Variants in BBS7 observed in about 807,000 individuals in gnomAD.
The protein encoded by BBS7 is BBSome complex member BBS7.
Under a neutral mutation model 90.3 loss-of-function variants are expected in BBS7, and 50 were observed. The observed-to-expected ratio is 0.55, with a 90% CI of 0.44 to 0.70. The LOEUF (loss-of-function observed/expected upper bound fraction) is 0.70, where lower values mean the gene tolerates loss of function less well. Among genes scored for constraint, BBS7 ranks in the 30% least tolerant of loss-of-function variants. The pLI, the probability that BBS7 is intolerant of heterozygous loss-of-function variation, is 0.00. For synonymous variants in BBS7, 235 were observed against 287.4 expected, an observed-to-expected ratio of 0.82 and a Z score of 1.85; for missense variants, 729 against 838.9, an observed-to-expected ratio of 0.87 and a Z score of 1.62.
Position 121,833,222 on chromosome 4 carries a change from T to TA in BBS7, c.1676+8dup. ...CAACACTTGTGAACCAGTAATAAGT[T>TA]AGATTTACCTGTAGGTACTTTCAAG... On this transcript the variant is annotated intron_variant, in intron 15 of 18. Coordinates refer to ENST00000264499, the MANE Select transcript of BBS7 (RefSeq NM_176824.3). 6.2e-7 allele frequency: 1 copy of TA among 1,613,244 alleles called. No individual in the cohort carries two copies. Among genetic ancestry groups the TA allele is most frequent in the Non-Finnish European group, 8.5e-7 (1 of 1,179,276 alleles).
rs779436749 is a variant in BBS7 at position 121,839,693 on chromosome 4, TTGAC to T, written c.1306-1_1308del. 2.4e-5 allele frequency: 38 copies of T among 1,613,288 alleles called. No individual in the cohort carries two copies. The highest frequency in any genetic ancestry group is 3.3e-5 in the South Asian group (3 of 91,078). On this transcript the variant is annotated splice_acceptor_variant and coding_sequence_variant, in exon 13 of 19. Transcript: ENST00000264499. LOFTEE classifies it high-confidence loss of function. Reference sequence around the variant, plus strand: ...TAAGTGGCAAGAAGGAAGTTGTCGTTTGACTGGGAAGAATACAAAGTGGAGGAAA... The same window carrying T: ...TAAGTGGCAAGAAGGAAGTTGTCGTTTGGGAAGAATACAAAGTGGAGGAAA...
intron 8 of BBS7, among the ~76,000 whole-genome samples, chr4:121,851,358 GC>G: frequency 7.1e-6 from 1 of 140,426 alleles, no homozygotes; most frequent in East Asian, 2.2e-4. Context: ...CTATGGGGTA[GC>G]CCTGTTCTGC....
intron 2 of BBS7, among the ~76,000 whole-genome samples, chr4:121,866,350 T>C (rs1300193477): frequency 6.6e-6 from 1 of 152,090 alleles, no homozygotes; most frequent in Non-Finnish European, 1.5e-5. Flanking sequence ...TTTTGTTTTG[T>C]TTTGTTTTGT....
chr4:121,828,847 T>C, intron 15 of BBS7, 119 bp from the exon 16 acceptor site: 1 of 638,940 alleles, frequency 1.6e-6, no homozygotes, highest in Non-Finnish European at 2.6e-6. Context: ...TTCTTCTGTA[T>C]ACATATATCA....
chr4:121,852,904 T>C, intron 8 of BBS7, 52 bp downstream of exon 8: 1 of 1,561,896 alleles, frequency 6.4e-7, no homozygotes, highest in Non-Finnish European at 8.8e-7. Context: ...ATCTGTCATC[T>C]CTATAATAAT....
intron 8 of BBS7, 140 bp from the exon 9 acceptor site, chr4:121,849,068 G>T: frequency 1.0e-4 from 59 of 568,248 alleles, no homozygotes; most frequent in East Asian, 1.4e-4. Context: ...ACTCAGATTA[G>T]AAAGACAAAA....
intron 4 of BBS7, among the ~76,000 whole-genome samples, chr4:121,860,249 G>C (rs1033000593): frequency 4.0e-5 from 6 of 151,822 alleles, no homozygotes; most frequent in Non-Finnish European, 8.8e-5. Context: ...TATTATATTT[G>C]CATTATATTG....
At chr4:121,863,157 C>G in intron 3 of BBS7, 60 bp downstream of exon 3, 1 of 1,512,400 alleles carries the variant, frequency 6.6e-7, no homozygotes, top group Non-Finnish European at 9.2e-7. Flanking sequence ...TAGTATTATT[C>G]AATAAATAGT....
At chr4:121,838,759 G>A (rs1319083114) in intron 13 of BBS7, among the ~76,000 whole-genome samples, 1 of 151,912 alleles carries the variant, frequency 6.6e-6, no homozygotes, top group Non-Finnish European at 1.5e-5. Flanking sequence ...GCCAGGTGTG[G>A]TGGTGGGCAC....
Position 121,833,322 on chromosome 4 carries a change from G to A in BBS7, c.1585C>T (p.Pro529Ser), listed in dbSNP as rs771957843. ...GCTGGAGGTTTTTCTGGAACTTCAG[G>A]CAGACAAAAAACCACCCAGGAGTGA... ...EVHSWVVFCL[P>S]EVPEKPPAGE... The change falls in exon 15 of 19, where the codon CCT becomes TCT. Residue 529 changes from proline to serine, a missense_variant. Transcript: ENST00000264499. The A allele has an allele frequency of 5.6e-6, 9 of 1,613,924 alleles. No individual in the cohort carries two copies. The Admixed American group carries it at 1.5e-4, about 27-fold the overall frequency.
intron 4 of BBS7, chr4:121,861,284 G>A (rs1043573489): frequency 5.2e-6 from 2 of 383,472 alleles, no homozygotes; most frequent in East Asian, 4.6e-5. Flanking sequence ...GAACCAAGTT[G>A]TCAAAAATGA....
At position 121,825,800 on chromosome 4, in the gene BBS7, CTCTTT is replaced by C; in HGVS notation, c.*55_*59del. On this transcript the variant is annotated 3_prime_UTR_variant, in exon 19 of 19. Coordinates refer to ENST00000264499, the MANE Select transcript of BBS7 (RefSeq NM_176824.3). ...GTACATACACAGTTAACTTCTAATT[CTCTTT>C]TAACATTTTTCATTTAAACAGACCA... 1.3e-6 allele frequency: 2 copies of C among 1,559,578 alleles called. No individual in the cohort carries two copies. The highest frequency in any genetic ancestry group is 8.8e-7 in the Non-Finnish European group (1 of 1,138,290).
chr4:121,865,658 A>C (rs1727229620), intron 2 of BBS7, among the ~76,000 whole-genome samples: 1 of 152,168 alleles, frequency 6.6e-6, no homozygotes, highest in Admixed American at 6.5e-5. Flanking sequence ...TATTGTGAAC[A>C]GTGCTGCAAT....
intron 10 of BBS7, among the ~76,000 whole-genome samples, chr4:121,846,846 A>T (rs1726034092): frequency 1.3e-5 from 2 of 152,182 alleles, no homozygotes; most frequent in Admixed American, 6.5e-5. Context: ...CAGTCATTAA[A>T]AGTTTCAGCA....
rs1458587865 is a variant in BBS7 at position 121,854,572 on chromosome 4, T to C, written c.718+132A>G. ...ATAATAGACCTGACAAATAAACAAA[T>C]AGTAGATAAATCAAGGTGTGAATTG... On this transcript the variant is annotated intron_variant, in intron 7 of 18. Coordinates refer to ENST00000264499, the MANE Select transcript of BBS7 (RefSeq NM_176824.3). 7.2e-6 allele frequency: 6 copies of C among 828,272 alleles called. No individual in the cohort carries two copies. In the Admixed American group the frequency reaches 9.7e-5, roughly 13 times the overall value. 51.3% of individuals were successfully genotyped at this position (828,272 alleles called of 1,614,324 possible). A position where few individuals can be genotyped will look rare whatever the true frequency, so the allele number is the denominator to read the frequency against.
In BBS7 at chr4:121,855,642, AAT is replaced by A; in HGVS notation, c.529-83_529-82del. ...CATTCATGAATAACATCAATATTCA[AAT>A]ACAGTACTCTTAGTAACACCTAGAA... On this transcript the variant is annotated intron_variant, in intron 5 of 18. Transcript: ENST00000264499. 10 of 1,199,914 alleles carry A rather than the reference AAT, an allele frequency of 8.3e-6. No homozygotes were observed. The South Asian group carries it at 1.2e-4, about 15-fold the overall frequency. 74.3% of individuals were successfully genotyped at this position (1,199,914 alleles called of 1,614,324 possible).
intron 18 of BBS7, 187 bp downstream of exon 18, chr4:121,827,959 A>G (rs1312226293): frequency 7.1e-7 from 1 of 1,400,580 alleles, no homozygotes; most frequent in Non-Finnish European, 9.2e-7. Context: ...ATTAAATATT[A>G]AAAGTAGCTT....
At chr4:121,832,038 A>G (rs1233998446) in intron 15 of BBS7, among the ~76,000 whole-genome samples, 1 of 151,198 alleles carries the variant, frequency 6.6e-6, no homozygotes, top group Non-Finnish European at 1.5e-5. Flanking sequence ...ACACACACAC[A>G]CACACAAAAC....
At chr4:121,843,045 G>A (rs1348538197) in intron 12 of BBS7, among the ~76,000 whole-genome samples, 1 of 152,130 alleles carries the variant, frequency 6.6e-6, no homozygotes, top group Non-Finnish European at 1.5e-5. Flanking sequence ...ATGTTCCAAT[G>A]CAGGGATGTG....
Sources: allele counts gnomAD v4.1 joint callset (sites outside exome capture counted in the v4.1 genomes callset), GRCh38; gene constraint gnomAD v4.1.1; transcripts MANE v1.5; gene names NCBI Gene and HGNC (gene_info 2026-07-23, HGNC 2026-07-21).